TMEM131: variants seen among roughly 807,000 people sequenced by gnomAD.
TMEM131 encodes 2610524E03Rik.
Under a neutral mutation model 211.6 loss-of-function variants are expected in TMEM131, and 66 were observed. The observed-to-expected ratio is 0.31, with a 90% CI of 0.26 to 0.38. The LOEUF is 0.38. Ranked by LOEUF, TMEM131 falls within the 10% of genes least tolerant of loss-of-function variation. TMEM131 has a pLI of 1.00. For missense variants in TMEM131, 2,036 were observed against 2,299.3 expected, an observed-to-expected ratio of 0.89 and a Z score of 2.34; for synonymous variants, 844 against 841.3, an observed-to-expected ratio of 1.00 and a Z score of -0.06.
At chr2:97,941,493 G>A (rs1677724061) in intron 1 of TMEM131, among the ~76,000 whole-genome samples, 1 of 152,170 alleles carries the variant, frequency 6.6e-6, no homozygotes, top group African/African-American at 2.4e-5. Context: ...TTAAATGAAA[G>A]AGCTTCTGCA....
rs1200868313 is a variant in TMEM131, at chr2:97,959,669, A to G, written c.188-32182T>C. On this transcript the variant is annotated intron_variant, in intron 1 of 40. Transcript: ENST00000186436. ...CAGCACAGATCCCTTAAGAACAAAG[A>G]CATTCTCCTACATAATCACAATTTT... 5.3e-5 allele frequency among the ~76,000 whole-genome samples: 8 copies of G among 152,294 alleles called. 1 individual carries two copies. The East Asian group carries it at 1.3e-3, about 26-fold the overall frequency.
intron 23 of TMEM131, 45 bp from the exon 24 acceptor site, chr2:97,802,582 A>G (rs754632131): frequency 1.2e-6 from 2 of 1,602,024 alleles, no homozygotes; most frequent in South Asian, 2.3e-5. Context: ...TTCTATAGTT[A>G]AAGCTAAGAG....
At chr2:97,774,674 G>A (rs968428499) in intron 32 of TMEM131, among the ~76,000 whole-genome samples, 1 of 152,150 alleles carries the variant, frequency 6.6e-6, no homozygotes, top group Non-Finnish European at 1.5e-5. Flanking sequence ...GGGCCACAGT[G>A]GTGTGAGCAG....
intron 12 of TMEM131, among the ~76,000 whole-genome samples, chr2:97,816,666 C>T (rs2104986352): frequency 6.6e-6 from 1 of 152,272 alleles, no homozygotes; most frequent in Middle Eastern, 3.4e-3. Context: ...AGTTAGCCAT[C>T]TCTGGATGCT....
intron 11 of TMEM131, among the ~76,000 whole-genome samples, chr2:97,821,140 G>GCC (rs1389614179): frequency 2.0e-5 from 3 of 152,118 alleles, no homozygotes; most frequent in Non-Finnish European, 4.4e-5. Flanking sequence ...GGGACTTGGA[G>GCC]AACTTTTTTG....
rs375198010 is a variant in TMEM131 at position 97,796,186 on chromosome 2, T to C, written c.3200+32A>G. 4.7e-5 allele frequency: 61 copies of C among 1,289,076 alleles called. No homozygotes were observed. In the African/African-American group the frequency reaches 8.3e-4, roughly 18 times the overall value. The allele number at this position is 1,289,076 out of a possible 1,614,324, so 79.9% of individuals were successfully genotyped here. Reference sequence around the variant, plus strand: ...TTGCACAGAGTTTGAGGAAAGTTAGTGATTCATTACACCTTAAAATAAAAT... The same window carrying C: ...TTGCACAGAGTTTGAGGAAAGTTAGCGATTCATTACACCTTAAAATAAAAT... On this transcript the variant is annotated intron_variant, in intron 28 of 40. Coordinates refer to ENST00000186436, the MANE Select transcript of TMEM131 (RefSeq NM_015348.2).
intron 1 of TMEM131, among the ~76,000 whole-genome samples, chr2:97,957,044 C>A (rs934366888): frequency 1.3e-5 from 2 of 151,540 alleles, no homozygotes; most frequent in African/African-American, 4.9e-5. Context: ...TTGCAGTAAG[C>A]CGAGATCGCG....
Position 97,804,380 on chromosome 2 carries a change from G to A in TMEM131, c.2402+708C>T, listed in dbSNP as rs544833135. Among the ~76,000 whole-genome samples, 3 of 152,178 alleles carry A rather than the reference G, an allele frequency of 2.0e-5. No individual in the cohort carries two copies. In the South Asian group the frequency reaches 6.2e-4, roughly 32 times the overall value. ...AGCTCAGCACTTAGAAAGGAAGGGGGTGGGCTGGGCACAGTGGGTCACGCC... is the reference window on the plus strand; with the variant it reads ...AGCTCAGCACTTAGAAAGGAAGGGGATGGGCTGGGCACAGTGGGTCACGCC... On this transcript the variant is annotated intron_variant, in intron 22 of 40. Coordinates refer to ENST00000186436, the MANE Select transcript of TMEM131 (RefSeq NM_015348.2).
At chr2:97,772,568 C>G (rs895238719) in intron 32 of TMEM131, 144 bp from the exon 33 acceptor site, 1 of 1,017,896 alleles carries the variant, frequency 9.8e-7, no homozygotes, top group East Asian at 2.7e-5. Context: ...TCAAATCTGT[C>G]TTCACTGCGG....
At chr2:97,791,726 T>C (rs1246346136) in intron 31 of TMEM131, among the ~76,000 whole-genome samples, 1 of 152,228 alleles carries the variant, frequency 6.6e-6, no homozygotes, top group Non-Finnish European at 1.5e-5. Context: ...TATACGTTCT[T>C]TTAAGCCCCT....
At chr2:97,945,021 T>C (rs933657324) in intron 1 of TMEM131, among the ~76,000 whole-genome samples, 7 of 152,188 alleles carry the variant, frequency 4.6e-5, no homozygotes, top group African/African-American at 1.4e-4. Flanking sequence ...GTGTTCATAA[T>C]AGCATTGTTC....
intron 1 of TMEM131, among the ~76,000 whole-genome samples, chr2:97,985,838 C>T (rs982405312): frequency 2.6e-5 from 4 of 151,288 alleles, no homozygotes; most frequent in African/African-American, 9.7e-5. Context: ...CTGATGCCAA[C>T]GGACTGAAGA....
chr2:97,810,584 T>C (rs1681505088), intron 18 of TMEM131, among the ~76,000 whole-genome samples: 1 of 152,168 alleles, frequency 6.6e-6, no homozygotes, highest in Non-Finnish European at 1.5e-5. Flanking sequence ...AACATTTAGG[T>C]CTGGCAGAAA....
intron 4 of TMEM131, among the ~76,000 whole-genome samples, chr2:97,870,540 A>G (rs1674449385): frequency 6.6e-6 from 1 of 152,146 alleles, no homozygotes; most frequent in Non-Finnish European, 1.5e-5. Context: ...CGAACTGTCC[A>G]TATTTTCGAA....
intron 2 of TMEM131, among the ~76,000 whole-genome samples, chr2:97,917,853 C>A (rs1676572712): frequency 6.6e-6 from 1 of 152,124 alleles, no homozygotes; most frequent in African/African-American, 2.4e-5. Context: ...AATCACTGAC[C>A]ACCATGTGAC....
chr2:97,951,864 A>G (rs777736008), intron 1 of TMEM131, among the ~76,000 whole-genome samples: 1 of 152,136 alleles, frequency 6.6e-6, no homozygotes, highest in Non-Finnish European at 1.5e-5. Context: ...GATCTAAAGA[A>G]GTGTTCAATT....
At chr2:97,942,476 T>G (rs1236226434) in intron 1 of TMEM131, among the ~76,000 whole-genome samples, 2 of 57,596 alleles carry the variant, frequency 3.5e-5, no homozygotes. Context: ...AAAGTATAAT[T>G]TAAAAAAAAA....
intron 4 of TMEM131, among the ~76,000 whole-genome samples, chr2:97,878,199 A>G (rs1294620003): frequency 6.6e-6 from 1 of 152,232 alleles, no homozygotes; most frequent in African/African-American, 2.4e-5. Context: ...GTCAGGAAAC[A>G]ACAGATGCTG....
At chr2:97,984,554 G>T (rs1350647012) in intron 1 of TMEM131, among the ~76,000 whole-genome samples, 5 of 152,156 alleles carry the variant, frequency 3.3e-5, no homozygotes, top group Non-Finnish European at 7.4e-5. Flanking sequence ...GCAAAGGAGT[G>T]TGCAGATCAC....
Sources: gnomAD v4.1 joint callset for allele counts (sites outside exome capture counted in the v4.1 genomes callset) on GRCh38, gnomAD v4.1.1 for gene constraint, MANE v1.5 for transcripts, NCBI Gene and HGNC (gene_info 2026-07-23, HGNC 2026-07-21) for gene names.